Variants in NHS observed in about 807,000 individuals in gnomAD.
The protein encoded by NHS is NHS actin remodeling regulator, also known as actin remodeling regulator NHS.
In NHS, 5 loss-of-function variants were observed where a neutral mutation model predicts 72.5. That is an observed-to-expected ratio of 0.07 (90% CI 0.04 to 0.14). The LOEUF is 0.14. Among genes scored for constraint, NHS ranks in the 10% least tolerant of loss-of-function variants. The probability of loss-of-function intolerance (pLI) is 1.00; values close to 1 mark genes in which losing one functional copy is unlikely to be tolerated. For missense variants in NHS, 1,072 were observed against 1,355.7 expected, an observed-to-expected ratio of 0.79 and a Z score of 3.29; for synonymous variants, 464 against 547.7, an observed-to-expected ratio of 0.85 and a Z score of 2.13.
At chrX:17,411,880 T>C (rs2064560939) in intron 1 of NHS, among the ~76,000 whole-genome samples, 1 of 111,486 alleles carries the variant, frequency 9.0e-6, no homozygotes, top group African/African-American at 3.3e-5. Flanking sequence ...ATAATCTGTT[T>C]TGTAAGGGGT....
At chrX:17,430,273 T>TTC (rs1244608653) in intron 1 of NHS, among the ~76,000 whole-genome samples, 44 of 76,059 alleles carry the variant, frequency 5.8e-4, no homozygotes, top group Non-Finnish European at 8.4e-4. Flanking sequence ...CTTTCTTTCT[T>TTC]TCTTTCTTTC....
chrX:17,609,491 A>G (rs2065698165), intron 1 of NHS, among the ~76,000 whole-genome samples: 1 of 111,986 alleles, frequency 8.9e-6, no homozygotes, highest in African/African-American at 3.3e-5. Flanking sequence ...TTAGGGTAGG[A>G]AGTCCAACCA....
chrX:17,504,938 T>C (rs1383287816), intron 1 of NHS, among the ~76,000 whole-genome samples: 1 of 111,889 alleles, frequency 8.9e-6, no homozygotes, highest in Non-Finnish European at 1.9e-5. Flanking sequence ...TGAGTTCTAG[T>C]CTTCTCTCCA....
chrX:17,575,508 C>T (rs1437003855), intron 1 of NHS, among the ~76,000 whole-genome samples: 1 of 112,438 alleles, frequency 8.9e-6, no homozygotes, highest in African/African-American at 3.2e-5. Flanking sequence ...TTAATGTTAC[C>T]TCCTCATACT....
intron 1 of NHS, among the ~76,000 whole-genome samples, chrX:17,550,892 C>T (rs1316237140): frequency 9.0e-6 from 1 of 111,604 alleles, no homozygotes; most frequent in Non-Finnish European, 1.9e-5. Flanking sequence ...GTATCTGCTA[C>T]CATTCACCCC....
At chrX:17,597,414 C>T (rs1337583851) in intron 1 of NHS, among the ~76,000 whole-genome samples, 1 of 107,983 alleles carries the variant, frequency 9.3e-6, no homozygotes, top group Admixed American at 1.0e-4. Flanking sequence ...CGTGAGCCAC[C>T]GCGCCTGGCT....
intron 1 of NHS, among the ~76,000 whole-genome samples, chrX:17,484,212 A>G (rs145388123): frequency 8.9e-6 from 1 of 112,248 alleles, no homozygotes; most frequent in Non-Finnish European, 1.9e-5. Flanking sequence ...TTTGTCCCTC[A>G]TGTGTTCCCA....
chrX:17,613,997 C>G (rs2065724033), intron 1 of NHS, among the ~76,000 whole-genome samples: 1 of 112,261 alleles, frequency 8.9e-6, no homozygotes, highest in Non-Finnish European at 1.9e-5. Context: ...GCACTTTCTT[C>G]TGGGGGTAGG....
chrX:17,610,038 T>C (rs1416889918), intron 1 of NHS, among the ~76,000 whole-genome samples: 2 of 112,240 alleles, frequency 1.8e-5, no homozygotes, highest in Admixed American at 9.4e-5. Context: ...AGCCCGCCAG[T>C]TGAGCATGAA....
chrX:17,463,276 T>C (rs1438579641), intron 1 of NHS, among the ~76,000 whole-genome samples: 1 of 111,092 alleles, frequency 9.0e-6, no homozygotes, highest in African/African-American at 3.3e-5. Context: ...GGGCAGTTGA[T>C]GTAGAGACAA....
chrX:17,465,219 C>G (rs2064865846), intron 1 of NHS, among the ~76,000 whole-genome samples: 1 of 111,325 alleles, frequency 9.0e-6, no homozygotes, highest in African/African-American at 3.3e-5. Context: ...AGCTCAGAAA[C>G]TTTTGGATGG....
At chrX:17,707,260 T>C (rs1363789115) in intron 3 of NHS, among the ~76,000 whole-genome samples, 1 of 111,944 alleles carries the variant, frequency 8.9e-6, no homozygotes, top group Non-Finnish European at 1.9e-5. Flanking sequence ...CAAAAGTTGA[T>C]TTGGTTCCAG....
intron 1 of NHS, among the ~76,000 whole-genome samples, chrX:17,399,382 G>A (rs907190319): frequency 8.1e-5 from 9 of 111,672 alleles, no homozygotes; most frequent in East Asian, 2.8e-4. Flanking sequence ...AATTACAGGC[G>A]TGAGCCACCA....
intron 1 of NHS, among the ~76,000 whole-genome samples, chrX:17,513,134 G>A (rs1262164172): frequency 2.7e-5 from 3 of 112,047 alleles, no homozygotes; most frequent in African/African-American, 9.7e-5. Flanking sequence ...ACGAGCTGAA[G>A]CAGAATTCTG....
chrX:17,584,562 G>A (rs2065563947), intron 1 of NHS, among the ~76,000 whole-genome samples: 1 of 112,392 alleles, frequency 8.9e-6, no homozygotes, highest in Admixed American at 9.4e-5. Flanking sequence ...CAGCTACTCT[G>A]TTCTTGTGAT....
intron 1 of NHS, among the ~76,000 whole-genome samples, chrX:17,573,616 G>T (rs2065494068): frequency 9.1e-6 from 1 of 110,239 alleles, no homozygotes; most frequent in Admixed American, 9.7e-5. Flanking sequence ...CCTTGCAATG[G>T]GTTAGAACAT....
chrX:17,481,592 G>T (rs779571101), intron 1 of NHS, among the ~76,000 whole-genome samples: 1 of 102,356 alleles, frequency 9.8e-6, no homozygotes, highest in African/African-American at 3.4e-5. Context: ...CATGGAATTT[G>T]TTCTATCATG....
chrX:17,728,822 GTTT>G, intron 8 of NHS, 47 bp downstream of exon 8: 1 of 1,206,394 alleles, frequency 8.3e-7, no homozygotes, highest in East Asian at 3.0e-5. Context: ...TACAACAAAG[GTTT>G]TGCCCCTTCA....
intron 1 of NHS, among the ~76,000 whole-genome samples, chrX:17,389,034 A>G (rs1240711361): frequency 1.8e-5 from 2 of 111,866 alleles, no homozygotes; most frequent in Non-Finnish European, 3.8e-5. Context: ...TTGCAAAACC[A>G]TTGAATGTTG....
Sources: gnomAD v4.1 joint callset for allele counts (sites outside exome capture counted in the v4.1 genomes callset) on GRCh38, gnomAD v4.1.1 for gene constraint, MANE v1.5 for transcripts, NCBI Gene and HGNC (gene_info 2026-07-23, HGNC 2026-07-21) for gene names.